CHL1: variants seen among roughly 807,000 people sequenced by gnomAD.
CHL1 encodes neural cell adhesion molecule L1-like protein.
In CHL1, 96 loss-of-function variants were observed where a neutral mutation model predicts 141.9. The ratio of observed to expected loss-of-function variants is 0.68; its 90% CI spans 0.57 to 0.80. CHL1 has a LOEUF of 0.80. CHL1 is among the 30% of genes least tolerant of loss of function. The pLI, the probability that CHL1 is intolerant of heterozygous loss-of-function variation, is 0.00. For missense variants in CHL1, 1,820 were observed against 1,457.2 expected (o/e 1.25, Z -4.05); for synonymous variants, 613 against 502.2 (o/e 1.22, Z -2.95).
At chr3:335,897 G>A (rs1701825602) in intron 5 of CHL1, among the ~76,000 whole-genome samples, 1 of 152,160 alleles carries the variant, frequency 6.6e-6, no homozygotes. Context: ...GCGTTTGGCT[G>A]TACCATGCAA....
intron 2 of CHL1, among the ~76,000 whole-genome samples, chr3:301,928 G>A (rs1205624793): frequency 6.6e-6 from 1 of 152,130 alleles, no homozygotes; most frequent in African/African-American, 2.4e-5. Context: ...GCCCTGGTGT[G>A]TGATGTTCCC....
intron 15 of CHL1, 134 bp from the exon 16 acceptor site, chr3:377,684 C>CA (rs1706508719): frequency 1.4e-6 from 1 of 710,464 alleles, no homozygotes; most frequent in African/African-American, 1.8e-5. Flanking sequence ...ATTCTCTAAT[C>CA]AAATTTGCAT....
intron 2 of CHL1, among the ~76,000 whole-genome samples, chr3:296,012 T>A (rs1698154503): frequency 6.6e-6 from 1 of 151,888 alleles, no homozygotes; most frequent in Middle Eastern, 3.2e-3. Context: ...AAAAAAAAAA[T>A]ACTCCTGTAA....
At chr3:278,495 G>A (rs565054597) in intron 2 of CHL1, among the ~76,000 whole-genome samples, 7 of 152,300 alleles carry the variant, frequency 4.6e-5, no homozygotes, top group South Asian at 2.1e-4. Flanking sequence ...GCAAGCGTTC[G>A]TTAGTACCTC....
chr3:384,521 A>G (rs1707436043), intron 19 of CHL1: 1 of 152,312 alleles, frequency 6.6e-6, no homozygotes, highest in East Asian at 1.9e-4. Context: ...GTTATTAAAT[A>G]GACTTCACCA....
intron 2 of CHL1, among the ~76,000 whole-genome samples, chr3:259,253 C>A (rs1694474016): frequency 6.6e-6 from 1 of 151,828 alleles, no homozygotes; most frequent in African/African-American, 2.4e-5. Flanking sequence ...GTATGTGTAT[C>A]TGTAGTGTGT....
rs1477183921 is a variant in CHL1, at chr3:382,205, C to A, written c.1903C>A (p.His635Asn). Residue 635 changes from histidine (H) to asparagine (N), a missense_variant, in exon 17 of 28, where the codon CAC becomes AAC. Coordinates refer to ENST00000256509, the MANE Select transcript of CHL1 (RefSeq NM_006614.4). ...TGTTCCGGATCCACCAGAAAACCTT[C>A]ACTTGTCTGAAAGACAGAACAGGAG... is the stretch of plus-strand genomic sequence containing the variant. The part of the protein sequence containing the change: ...LDVPDPPENL[H>N]LSERQNRSVR... The A allele has an allele frequency of 3.7e-6, 6 of 1,613,572 alleles. No homozygotes were observed. In the South Asian group the frequency reaches 6.6e-5, roughly 18 times the overall value.
At chr3:242,448 T>G (rs71306196) in intron 1 of CHL1, among the ~76,000 whole-genome samples, 11 of 134,356 alleles carry the variant, frequency 8.2e-5, no homozygotes, top group Non-Finnish European at 1.4e-4. Flanking sequence ...TACAAAAAAT[T>G]ATCCCGGCGT....
intron 2 of CHL1, among the ~76,000 whole-genome samples, chr3:291,445 CTTTTCT>C (rs1413618314): frequency 1.4e-5 from 2 of 147,824 alleles, no homozygotes; most frequent in East Asian, 2.1e-4. Flanking sequence ...CTCTTCTTTT[CTTTTCT>C]TTTTCTTTTT....
intron 5 of CHL1, among the ~76,000 whole-genome samples, chr3:339,102 T>C (rs1449913416): frequency 6.6e-6 from 1 of 152,164 alleles, no homozygotes; most frequent in African/African-American, 2.4e-5. Flanking sequence ...TGTATCTGAG[T>C]ATAGATAGAT....
chr3:322,207 G>T (rs1239093711), intron 3 of CHL1, among the ~76,000 whole-genome samples: 1 of 152,044 alleles, frequency 6.6e-6, no homozygotes, highest in Non-Finnish European at 1.5e-5. Context: ...TTGCATGTTG[G>T]TTTATGAATA....
At chr3:383,775 G>T in intron 18 of CHL1, 41 bp from the exon 19 acceptor site, 1 of 1,464,768 alleles carries the variant, frequency 6.8e-7, no homozygotes, top group Non-Finnish European at 9.5e-7. Context: ...CTTACCTATG[G>T]GTTAAAAGGA....
chr3:235,227 G>T (rs1190975844), intron 1 of CHL1, among the ~76,000 whole-genome samples: 1 of 151,898 alleles, frequency 6.6e-6, no homozygotes, highest in Non-Finnish European at 1.5e-5. Context: ...TGCTTTAAAG[G>T]TGTACTGATG....
Position 406,622 on chromosome 3 carries a change from A to G in CHL1, c.*911A>G, listed in dbSNP as rs1272798918. The G allele has an allele frequency of 6.6e-6, 1 of 152,122 alleles. No homozygotes were observed. Among genetic ancestry groups the G allele is most frequent in the Non-Finnish European group, 1.5e-5 (1 of 68,014 alleles). The allele number at this position is 152,122 out of a possible 1,614,324, so 9.4% of individuals were successfully genotyped here. ...AATACATTGTACATATTATGTTAAT[A>G]TTTACACAATTTAAAATATAGATGT... On this transcript the variant is annotated 3_prime_UTR_variant, in exon 28 of 28. Coordinates refer to ENST00000256509, the MANE Select transcript of CHL1 (RefSeq NM_006614.4).
chr3:221,943 G>A (rs1356789043), intron 1 of CHL1, among the ~76,000 whole-genome samples: 2 of 152,164 alleles, frequency 1.3e-5, no homozygotes, highest in Non-Finnish European at 2.9e-5. Context: ...TCTGTAAGAA[G>A]CAGCATACTT....
At chr3:205,941 T>C (rs1286888195) in intron 1 of CHL1, among the ~76,000 whole-genome samples, 1 of 152,058 alleles carries the variant, frequency 6.6e-6, no homozygotes, top group African/African-American at 2.4e-5. Context: ...AGTACCAGAG[T>C]CAGAATTCAA....
chr3:360,177 C>A, intron 11 of CHL1, 107 bp from the exon 12 acceptor site: 2 of 1,307,880 alleles, frequency 1.5e-6, no homozygotes, highest in Non-Finnish European at 2.1e-6. Flanking sequence ...ATTAGTCACC[C>A]TAAACTGGTT....
intron 1 of CHL1, among the ~76,000 whole-genome samples, chr3:219,241 C>A (rs1700608086): frequency 6.6e-6 from 1 of 152,000 alleles, no homozygotes; most frequent in Admixed American, 6.6e-5. Flanking sequence ...TAAATTAGGT[C>A]AACCGTTGTA....
At chr3:341,356 A>C (rs1440385631) in intron 6 of CHL1, among the ~76,000 whole-genome samples, 1 of 152,200 alleles carries the variant, frequency 6.6e-6, no homozygotes, top group Non-Finnish European at 1.5e-5. Context: ...TGAACCATAG[A>C]GAAAAATGCT....
Sources: gnomAD v4.1 joint callset for allele counts (sites outside exome capture counted in the v4.1 genomes callset) on GRCh38, gnomAD v4.1.1 for gene constraint, MANE v1.5 for transcripts, NCBI Gene and HGNC (gene_info 2026-07-23, HGNC 2026-07-21) for gene names.